Variants in DPYD observed in about 807,000 individuals in gnomAD.
The protein encoded by DPYD is dihydropyrimidine dehydrogenase.
A neutral mutation model predicts 116.2 loss-of-function variants in DPYD; 109 were observed. That is an observed-to-expected ratio of 0.94 (90% CI 0.80 to 1.10). The LOEUF (loss-of-function observed/expected upper bound fraction) is 1.10, where lower values mean the gene tolerates loss of function less well. DPYD is among the 50% of genes least tolerant of loss of function. DPYD has a pLI of 0.00. For synonymous variants in DPYD, 440 were observed against 432.0 expected, an observed-to-expected ratio of 1.02 and a Z score of -0.23; for missense variants, 1,302 against 1,254.5, an observed-to-expected ratio of 1.04 and a Z score of -0.57.
chr1:97,450,023 C>A (rs2101791353), intron 14 of DPYD, 36 bp downstream of exon 14: 1 of 1,612,702 alleles, frequency 6.2e-7, no homozygotes, highest in South Asian at 1.1e-5. Flanking sequence ...CCAACTTATG[C>A]CAATTCTCTT....
intron 1 of DPYD, among the ~76,000 whole-genome samples, chr1:97,901,178 A>AG (rs1673350874): frequency 6.6e-6 from 1 of 151,806 alleles, no homozygotes; most frequent in Non-Finnish European, 1.5e-5. Context: ...TAACTTCCCC[A>AG]GGAAGTAACA....
chr1:97,440,519 G>T (rs1311518651), intron 14 of DPYD, among the ~76,000 whole-genome samples: 1 of 151,710 alleles, frequency 6.6e-6, no homozygotes, highest in Non-Finnish European at 1.5e-5. Flanking sequence ...TTATTTTAGT[G>T]ATTGTTTTAG....
At chr1:97,363,184 CACAG>C in intron 16 of DPYD, among the ~76,000 whole-genome samples, 1 of 152,052 alleles carries the variant, frequency 6.6e-6, no homozygotes, top group African/African-American at 2.4e-5. Flanking sequence ...CTTATGCAGC[CACAG>C]ACACATGAAA....
intron 20 of DPYD, among the ~76,000 whole-genome samples, chr1:97,174,044 A>G (rs1012417200): frequency 6.6e-6 from 1 of 152,004 alleles, no homozygotes; most frequent in Non-Finnish European, 1.5e-5. Context: ...ATGCTATTAC[A>G]AGACAAAATG....
chr1:97,751,291 T>TAC (rs1278190044), intron 3 of DPYD, among the ~76,000 whole-genome samples: 6 of 148,854 alleles, frequency 4.0e-5, no homozygotes, highest in East Asian at 2.0e-4. Flanking sequence ...TATATATATA[T>TAC]ACACACACAT....
intron 10 of DPYD, among the ~76,000 whole-genome samples, chr1:97,588,003 A>G (rs1654258118): frequency 1.3e-5 from 2 of 152,140 alleles, no homozygotes; most frequent in African/African-American, 4.8e-5. Context: ...GTGGAAAAAA[A>G]TCAGGTAAAA....
chr1:97,459,762 C>G (rs1476290640), intron 13 of DPYD, among the ~76,000 whole-genome samples: 1 of 152,012 alleles, frequency 6.6e-6, no homozygotes, highest in African/African-American at 2.4e-5. Context: ...AATGCTAATT[C>G]TGCAACTAGG....
chr1:97,301,924 A>C (rs1182724319), intron 18 of DPYD, among the ~76,000 whole-genome samples: 1 of 152,014 alleles, frequency 6.6e-6, no homozygotes, highest in African/African-American at 2.4e-5. Flanking sequence ...AAAAGGTCAA[A>C]ATTTCAAACT....
rs1337501603 is a variant in DPYD at position 97,195,490 on chromosome 1, A to C, written c.2443-2242T>G. ...TGAGAGAATTTATTGAAAACATACT[A>C]GGAGGTTCCAGAATGGGGAATGGGA... On this transcript the variant is annotated intron_variant, in intron 19 of 22. Transcript: ENST00000370192. Among the ~76,000 whole-genome samples the C allele has an allele frequency of 3.6e-5, 5 of 140,054 alleles. No individual in the cohort carries two copies. The East Asian group carries it at 1.1e-3, about 29-fold the overall frequency. The allele number at this position is 140,054 out of a possible 152,430, so 91.9% of individuals were successfully genotyped here. A position where few individuals can be genotyped will look rare whatever the true frequency, so the allele number is the denominator to read the frequency against.
intron 15 of DPYD, among the ~76,000 whole-genome samples, chr1:97,382,185 G>A (rs1057222818): frequency 2.6e-5 from 4 of 152,024 alleles, no homozygotes; most frequent in African/African-American, 4.8e-5. Flanking sequence ...CCAAGGGACC[G>A]CTTTTATAGA....
chr1:97,667,594 T>C (rs1659635812), intron 8 of DPYD, among the ~76,000 whole-genome samples: 1 of 152,114 alleles, frequency 6.6e-6, no homozygotes, highest in East Asian at 1.9e-4. Flanking sequence ...GTGAAGAAAC[T>C]GGAACTTTTT....
intron 12 of DPYD, among the ~76,000 whole-genome samples, chr1:97,540,440 A>G (rs1331714488): frequency 1.3e-5 from 2 of 152,184 alleles, no homozygotes; most frequent in Non-Finnish European, 2.9e-5. Context: ...TTTAAAGGAT[A>G]CAAACACAAC....
At chr1:97,553,878 G>A (rs374155972) in intron 11 of DPYD, among the ~76,000 whole-genome samples, 1 of 152,140 alleles carries the variant, frequency 6.6e-6, no homozygotes. Context: ...AAATGATATG[G>A]TGCCTGGAAT....
intron 7 of DPYD, 48 bp downstream of exon 7, chr1:97,691,669 A>T: frequency 2.1e-6 from 3 of 1,456,202 alleles, no homozygotes; most frequent in Non-Finnish European, 2.9e-6. Context: ...TGTAGAGCTT[A>T]CTCCTTTCTT....
intron 3 of DPYD, among the ~76,000 whole-genome samples, chr1:97,750,518 G>A (rs1325246421): frequency 6.6e-6 from 1 of 152,022 alleles, no homozygotes; most frequent in Non-Finnish European, 1.5e-5. Flanking sequence ...TATAACTTAC[G>A]TTATTAAAAA....
chr1:97,476,061 C>T (rs1677946097), intron 13 of DPYD, among the ~76,000 whole-genome samples: 2 of 152,092 alleles, frequency 1.3e-5, no homozygotes, highest in South Asian at 2.1e-4. Context: ...ATCCCAGAGC[C>T]GATGGTTTCC....
intron 5 of DPYD, among the ~76,000 whole-genome samples, chr1:97,705,131 C>CTT (rs201299040): frequency 2.0e-5 from 3 of 146,952 alleles, no homozygotes; most frequent in South Asian, 2.2e-4. Flanking sequence ...AGCCTGAACT[C>CTT]TTTTTTTTTT....
intron 13 of DPYD, among the ~76,000 whole-genome samples, chr1:97,480,443 T>G (rs1678233741): frequency 6.6e-6 from 1 of 152,206 alleles, no homozygotes; most frequent in African/African-American, 2.4e-5. Context: ...TAGTTATGTA[T>G]AACAGGAAGT....
At chr1:97,746,686 T>G (rs558984917) in intron 3 of DPYD, among the ~76,000 whole-genome samples, 1 of 152,114 alleles carries the variant, frequency 6.6e-6, no homozygotes, top group East Asian at 1.9e-4. Context: ...AAAGGAGTCA[T>G]TGGAAGAAAA....
Sources: allele counts gnomAD v4.1 joint callset (sites outside exome capture counted in the v4.1 genomes callset), GRCh38; gene constraint gnomAD v4.1.1; transcripts MANE v1.5; gene names NCBI Gene and HGNC (gene_info 2026-07-23, HGNC 2026-07-21).